The following DYNC2H1 variants were observed in gnomAD, a reference collection of about 807,000 sequenced individuals.
The protein encoded by DYNC2H1 is cytoplasmic dynein 2 heavy chain 1.
Under a neutral mutation model 570.0 loss-of-function variants are expected in DYNC2H1, and 410 were observed. The ratio of observed to expected loss-of-function variants is 0.72; its 90% CI spans 0.66 to 0.78. The LOEUF (loss-of-function observed/expected upper bound fraction) is 0.78. Ranked by LOEUF, DYNC2H1 falls within the 30% of genes least tolerant of loss-of-function variation. The probability of loss-of-function intolerance (pLI) is 0.00; values close to 1 mark genes in which losing one functional copy is unlikely to be tolerated. For missense variants in DYNC2H1, 4,865 were observed against 5,046.4 expected (o/e 0.96, Z 1.09); for synonymous variants, 1,688 against 1,677.6 (o/e 1.01, Z -0.15).
chr11:103,311,888 G>T lies in DYNC2H1; in HGVS notation c.11504G>T (p.Gly3835Val). 1 of 1,608,004 alleles carries T rather than the reference G, an allele frequency of 6.2e-7. No individual in the cohort carries two copies. Among genetic ancestry groups the T allele is most frequent in the Non-Finnish European group, 8.5e-7 (1 of 1,177,604 alleles). ...SLKITYESPP[G>V]LKKNLMRTYE... is the part of the protein sequence containing the mutation. ...TGATTTTTTTTCTAGTCACCTCCAG[G>T]TTTAAAGAAGAATTTAATGCGTACT... The change falls in exon 79 of 89, where the codon GGT becomes GTT. Residue 3835 changes from glycine (G) to valine (V), a missense_variant. Transcript: ENST00000375735.
intron 82 of DYNC2H1, among the ~76,000 whole-genome samples, chr11:103,328,938 A>C (rs980024875): frequency 1.3e-5 from 2 of 152,170 alleles, no homozygotes; most frequent in African/African-American, 4.8e-5. Flanking sequence ...GATAAATTTG[A>C]TATGTTAGTT....
rs1472209227 is a variant in DYNC2H1, at chr11:103,192,246, A to G, written c.7690A>G (p.Ile2564Val). The change falls in exon 47 of 89, where the codon ATA becomes GTA. Residue 2564 changes from isoleucine (I) to valine (V), a missense_variant. Around this residue, in one of 5 missense-constraint regions of DYNC2H1, gnomAD observed 2,401 missense variants for 2,454.6 expected, o/e 0.98. Transcript: ENST00000375735. ...SVFQGDWGSD[I>V]LDNMSDSFYV... is the part of the protein sequence containing the mutation. ...GTTTCAAGGAGATTGGGGCTCAGAC[A>G]TATTAGACAATATGTCAGGTAAGGT... 3.9e-6 allele frequency: 6 copies of G among 1,558,004 alleles called. No homozygotes were observed. The highest frequency in any genetic ancestry group is 4.4e-6 in the Non-Finnish European group (5 of 1,144,704).
At chr11:103,469,032 T>C (rs1945284299) in intron 88 of DYNC2H1, among the ~76,000 whole-genome samples, 1 of 152,218 alleles carries the variant, frequency 6.6e-6, no homozygotes, top group African/African-American at 2.4e-5. Flanking sequence ...CTAGGTACTT[T>C]ATATGCTTTA....
chr11:103,222,099 A>G lies in DYNC2H1; in HGVS notation c.9177A>G (p.Ile3059Met). 3 of 1,606,856 alleles carry G rather than the reference A, an allele frequency of 1.9e-6. No individual in the cohort carries two copies. Among genetic ancestry groups the G allele is most frequent in the Non-Finnish European group, 2.6e-6 (3 of 1,175,424 alleles). ...ATGCCCGAAATATTTCAAAGGAAAT[A>G]AGAGAGAGTGTTGAAGAACTTCTTT... is the stretch of plus-strand genomic sequence containing the variant. Reference protein sequence around the residue: ...TFDARNISKEIRESVEELLFK... With the variant: ...TFDARNISKEMRESVEELLFK... Residue 3059 changes from isoleucine to methionine, a missense_variant, in exon 58 of 89, where the codon ATA (isoleucine) becomes ATG (methionine). Physicochemically the swap from Ile to Met is conservative, Grantham distance 10 (BLOSUM62 1). Around this residue, in one of 5 missense-constraint regions of DYNC2H1, gnomAD observed 2,401 missense variants for 2,454.6 expected, o/e 0.98. Transcript: ENST00000375735.
rs1416339900 is a variant in DYNC2H1, at chr11:103,280,467, G to A, written c.10761+54G>A. On this transcript the variant is annotated intron_variant, in intron 71 of 88. Coordinates refer to ENST00000375735, the MANE Select transcript of DYNC2H1 (RefSeq NM_001377.3). The surrounding 1 kb of genome is among the most constrained non-coding windows in gnomAD (Gnocchi z 4.7). ...ACAGTAACATAGAAATTTGTTAATGGGTGGATTTATGTTTAGATTAGAAAT... is the reference window on the plus strand; with the variant it reads ...ACAGTAACATAGAAATTTGTTAATGAGTGGATTTATGTTTAGATTAGAAAT... The A allele has an allele frequency of 7.1e-7, 1 of 1,403,964 alleles. No homozygotes were observed. The highest frequency in any genetic ancestry group is 1.4e-5 in the African/African-American group (1 of 69,932). The allele number at this position is 1,403,964 out of a possible 1,614,324, so 87.0% of individuals were successfully genotyped here. A position where few individuals can be genotyped will look rare whatever the true frequency, so the allele number is the denominator to read the frequency against.
At chr11:103,441,764 A>G (rs1374425809) in intron 85 of DYNC2H1, among the ~76,000 whole-genome samples, 1 of 152,098 alleles carries the variant, frequency 6.6e-6, no homozygotes, top group Non-Finnish European at 1.5e-5. Flanking sequence ...TTAACTTTAT[A>G]TTTCCACAAT....
rs1426397519 is a variant in DYNC2H1 at position 103,245,684 on chromosome 11, C to G, written c.10042+310C>G. On this transcript the variant is annotated intron_variant, in intron 65 of 88. Transcript: ENST00000375735. This position sits in a 1 kb window ranked among gnomAD's most constrained non-coding sequence, Gnocchi z 4.5. ...GCATAAACCATATTGTTTGTACAAA[C>G]AGTTTAGGCACAGTGAGCCACTTTT... Among the ~76,000 whole-genome samples, 1 of 152,020 alleles carries G rather than the reference C, an allele frequency of 6.6e-6. No individual in the cohort carries two copies. Among genetic ancestry groups the G allele is most frequent in the Middle Eastern group, 3.2e-3 (1 of 316 alleles).
rs1186621785 is a variant in DYNC2H1 at position 103,156,485 on chromosome 11, A to C, written c.3842A>C (p.Tyr1281Ser). The C allele has an allele frequency of 1.2e-6, 2 of 1,613,774 alleles. No homozygotes were observed. Among genetic ancestry groups the C allele is most frequent in the East Asian group, 4.5e-5 (2 of 44,864 alleles). The change falls in exon 26 of 89, where the codon TAT (tyrosine) becomes TCT (serine). Residue 1281 changes from tyrosine to serine, a missense_variant. Physicochemically the swap from Tyr to Ser is moderately radical, Grantham distance 144. Transcript: ENST00000375735. Reference protein sequence around the residue: ...GVGAVFTLIDYEDSQSRTMKL... With the variant: ...GVGAVFTLIDSEDSQSRTMKL... Reference sequence around the variant, plus strand: ...GGAGCAGTGTTTACATTAATTGATTATGAAGACAGCCAAAGTCGAACTATG... The same window carrying C: ...GGAGCAGTGTTTACATTAATTGATTCTGAAGACAGCCAAAGTCGAACTATG...
chr11:103,475,254 A>T (rs1481883620), intron 88 of DYNC2H1, among the ~76,000 whole-genome samples: 1 of 152,154 alleles, frequency 6.6e-6, no homozygotes, highest in Non-Finnish European at 1.5e-5. Flanking sequence ...CTTTGGAGGA[A>T]ATATAATGTG....
chr11:103,280,542 G>T lies in DYNC2H1; in HGVS notation c.10761+129G>T. The stretch of plus-strand genomic sequence containing the variant: ...AACCTATTAATCTTTTACTAAGTTA[G>T]AAATGTAGTATAAAATGGTGATTCC... On this transcript the variant is annotated intron_variant, in intron 71 of 88. Transcript: ENST00000375735. This position sits in a 1 kb window ranked among gnomAD's most constrained non-coding sequence, Gnocchi z 4.7. 1 of 827,502 alleles carries T rather than the reference G, an allele frequency of 1.2e-6. No homozygotes were observed. The highest frequency in any genetic ancestry group is 1.9e-6 in the Non-Finnish European group (1 of 525,116). The allele number at this position is 827,502 out of a possible 1,614,324, so 51.3% of individuals were successfully genotyped here.
rs1205033546 is a variant in DYNC2H1 at position 103,268,842 on chromosome 11, T to G, written c.10695+8865T>G. On this transcript the variant is annotated intron_variant, in intron 70 of 88. Transcript: ENST00000375735. The surrounding 1 kb of genome is among the most constrained non-coding windows in gnomAD (Gnocchi z 4.6). ...GCTTGTTTCTAAGCTATGTGTCTTA[T>G]CTCAGTTTATATATTCTCATTTTAT... is the stretch of plus-strand genomic sequence containing the variant. Among the ~76,000 whole-genome samples the G allele has an allele frequency of 6.6e-6, 1 of 152,094 alleles. No homozygotes were observed. Among genetic ancestry groups the G allele is most frequent in the African/African-American group, 2.4e-5 (1 of 41,450 alleles).
At position 103,231,260 on chromosome 11, in the gene DYNC2H1, G is replaced by C; in HGVS notation, c.9354G>C (p.Ser3118=). 6.3e-7 allele frequency: 1 copy of C among 1,585,502 alleles called. No homozygotes were observed. Among genetic ancestry groups the C allele is most frequent in the African/African-American group, 1.4e-5 (1 of 73,896 alleles). Residue 3118 remains serine (S), a splice_region_variant and synonymous_variant, in exon 60 of 89, where the codon TCG becomes TCC. Coordinates refer to ENST00000375735, the MANE Select transcript of DYNC2H1 (RefSeq NM_001377.3). The part of the protein sequence containing the change: ...PLETEQAGLE[S]NLKKTEDRKR... ...TGTATAATATTGAGTTATATTTTAG[G>C]AATCTGAAGAAAACTGAAGACAGAA...
Position 103,239,301 on chromosome 11 carries a change from A to G in DYNC2H1, c.9819+2762A>G, listed in dbSNP as rs1438789901. Among the ~76,000 whole-genome samples the G allele has an allele frequency of 6.6e-6, 1 of 152,156 alleles. No homozygotes were observed. The highest frequency in any genetic ancestry group is 1.5e-5 in the Non-Finnish European group (1 of 68,026). On this transcript the variant is annotated intron_variant, in intron 63 of 88. Transcript: ENST00000375735. This position sits in a 1 kb window ranked among gnomAD's most constrained non-coding sequence, Gnocchi z 4.3. ...TGTGATACTAGTCTAAGAATATAAA[A>G]TTATAATGGTAAATTTACAACTTTA...
chr11:103,135,030 G>A (rs1859465078), intron 15 of DYNC2H1, among the ~76,000 whole-genome samples: 1 of 151,880 alleles, frequency 6.6e-6, no homozygotes, highest in Non-Finnish European at 1.5e-5. Flanking sequence ...TTGTATAGAA[G>A]CAAAAAAGTA....
intron 34 of DYNC2H1, 46 bp downstream of exon 34, chr11:103,171,114 A>G (rs1565363796): frequency 1.4e-6 from 2 of 1,436,660 alleles, no homozygotes; most frequent in Non-Finnish European, 1.9e-6. Context: ...ATTTTGTAAG[A>G]CTTGATATTA....
chr11:103,417,845 C>T (rs1292773473), intron 84 of DYNC2H1, among the ~76,000 whole-genome samples: 4 of 149,712 alleles, frequency 2.7e-5, no homozygotes, highest in African/African-American at 9.9e-5. Flanking sequence ...CACTGCAGTC[C>T]AGCCTGGACA....
chr11:103,305,345 C>T lies in DYNC2H1; in HGVS notation c.11382+625C>T, dbSNP rs1325915822. 6.6e-6 allele frequency among the ~76,000 whole-genome samples: 1 copy of T among 151,946 alleles called. No individual in the cohort carries two copies. Among genetic ancestry groups the T allele is most frequent in the East Asian group, 1.9e-4 (1 of 5,180 alleles). ...TATCATGATTTTAATTCCATCAGCA[C>T]AAGTAGAGATAGTGTTGGGGATGTC... On this transcript the variant is annotated intron_variant, in intron 77 of 88. Transcript: ENST00000375735. The surrounding 1 kb of genome is among the most constrained non-coding windows in gnomAD (Gnocchi z 4.3).
chr11:103,452,495 A>C (rs1944642974), intron 85 of DYNC2H1, among the ~76,000 whole-genome samples: 1 of 151,962 alleles, frequency 6.6e-6, no homozygotes, highest in Admixed American at 6.6e-5. Context: ...TCTGACTTCT[A>C]TATCCCTAAA....
rs17394217 is a variant in DYNC2H1 at position 103,211,829 on chromosome 11, A to T, written c.8580A>T (p.Glu2860Asp). 8.1e-5 allele frequency: 116 copies of T among 1,426,744 alleles called. 1 individual carries two copies. The South Asian group carries it at 1.4e-3, about 17-fold the overall frequency. 88.4% of individuals were successfully genotyped at this position (1,426,744 alleles called of 1,614,324 possible). Residue 2860 changes from glutamate to aspartate, a missense_variant, in exon 54 of 89, where the codon GAA becomes GAT. Transcript: ENST00000375735. ...DFLKSFLLIH[E>D]SCKAYGATPS... is the part of the protein sequence containing the mutation. Reference sequence around the variant, plus strand: ...TAAAATCATTTTTATTAATCCATGAATCTTGTAAAGCATATGGTGCTACAC... The same window carrying T: ...TAAAATCATTTTTATTAATCCATGATTCTTGTAAAGCATATGGTGCTACAC...
Sources: gnomAD v4.1 joint callset for allele counts (sites outside exome capture counted in the v4.1 genomes callset) on GRCh38, gnomAD v4.1.1 for gene constraint, gnomAD v4.1.1 regional missense constraint, Gnocchi (gnomAD v3.1) non-coding constraint, MANE v1.5 for transcripts, NCBI Gene and HGNC (gene_info 2026-07-23, HGNC 2026-07-21) for gene names.